The following NAV2 variants were observed in gnomAD, a reference collection of about 807,000 sequenced individuals.
The protein encoded by NAV2 is neuron navigator 2.
A neutral mutation model predicts 223.2 loss-of-function variants in NAV2; 54 were observed. The ratio of observed to expected loss-of-function variants is 0.24; its 90% CI spans 0.19 to 0.30. The LOEUF (loss-of-function observed/expected upper bound fraction) is 0.30, where lower values mean the gene tolerates loss of function less well. Among genes scored for constraint, NAV2 ranks in the 10% least tolerant of loss-of-function variants. The probability of loss-of-function intolerance (pLI) is 1.00; values close to 1 mark genes in which losing one functional copy is unlikely to be tolerated. For synonymous variants in NAV2, 1,279 were observed against 1,239.3 expected, an observed-to-expected ratio of 1.03 and a Z score of -0.67; for missense variants, 2,806 against 3,147.5, an observed-to-expected ratio of 0.89 and a Z score of 2.60.
At chr11:19,906,658 C>CA (rs1351164118) in intron 6 of NAV2, among the ~76,000 whole-genome samples, 1 of 152,150 alleles carries the variant, frequency 6.6e-6, no homozygotes, top group Non-Finnish European at 1.5e-5. Flanking sequence ...GGAGAGCAGC[C>CA]AAAGCATCCT....
At chr11:19,441,077 GC>G (rs1851382923) in intron 1 of NAV2, among the ~76,000 whole-genome samples, 1 of 152,182 alleles carries the variant, frequency 6.6e-6, no homozygotes, top group African/African-American at 2.4e-5. Flanking sequence ...AAAGGAGAAA[GC>G]CCAGGAAGCC....
intron 1 of NAV2, among the ~76,000 whole-genome samples, chr11:19,631,983 C>T (rs1023198971): frequency 2.0e-5 from 3 of 152,266 alleles, no homozygotes; most frequent in Non-Finnish European, 2.9e-5. Flanking sequence ...TGTTTGTTTG[C>T]ATTCCAGCTG....
At chr11:19,512,724 C>G (rs559121716) in intron 1 of NAV2, among the ~76,000 whole-genome samples, 37 of 152,306 alleles carry the variant, frequency 2.4e-4, no homozygotes, top group Non-Finnish European at 4.6e-4. Flanking sequence ...ACTTGGTCTC[C>G]TTCTCCTTGT....
chr11:19,417,877 A>C (rs1036763771), intron 1 of NAV2, among the ~76,000 whole-genome samples: 1 of 152,148 alleles, frequency 6.6e-6, no homozygotes, highest in South Asian at 2.1e-4. Flanking sequence ...GGAGCAAAAA[A>C]CCAAACACCA....
At chr11:19,654,241 AGGATACAAACAAAT>A (rs2048053047) in intron 1 of NAV2, among the ~76,000 whole-genome samples, 2 of 152,214 alleles carry the variant, frequency 1.3e-5, no homozygotes, top group African/African-American at 4.8e-5. Context: ...AAAATAAAAG[AGGATACAAACAAAT>A]GGAAGAACAT....
At chr11:20,034,174 C>T (rs1003589499) in intron 11 of NAV2, among the ~76,000 whole-genome samples, 1 of 152,104 alleles carries the variant, frequency 6.6e-6, no homozygotes, top group Admixed American at 6.5e-5. Context: ...TCTTCCTAGC[C>T]CTCTGACCTT....
chr11:19,877,724 G>A (rs1037254483), intron 4 of NAV2, among the ~76,000 whole-genome samples: 3 of 151,852 alleles, frequency 2.0e-5, no homozygotes, highest in Non-Finnish European at 4.4e-5. Context: ...CACCCACCTC[G>A]GCCTCCCAAA....
chr11:19,935,250 C>T (rs1319395636), intron 7 of NAV2, among the ~76,000 whole-genome samples: 1 of 152,184 alleles, frequency 6.6e-6, no homozygotes, highest in Non-Finnish European at 1.5e-5. Context: ...AATACTTGTA[C>T]ACACAAAAGA....
intron 1 of NAV2, among the ~76,000 whole-genome samples, chr11:19,739,599 T>C (rs574882934): frequency 6.6e-6 from 1 of 152,222 alleles, no homozygotes; most frequent in Admixed American, 6.5e-5. Flanking sequence ...GGCACATTGG[T>C]TTAGAAAATT....
chr11:19,946,590 G>A (rs2046957377), intron 9 of NAV2, 81 bp downstream of exon 9: 6 of 1,206,768 alleles, frequency 5.0e-6, no homozygotes, highest in Non-Finnish European at 7.1e-6. Flanking sequence ...GTAGCAAAGC[G>A]ATTTGGTTAT....
At chr11:19,457,890 T>C (rs372221618) in intron 1 of NAV2, among the ~76,000 whole-genome samples, 5 of 151,974 alleles carry the variant, frequency 3.3e-5, no homozygotes, top group African/African-American at 1.2e-4. Context: ...TACAAAGAAT[T>C]GAAGAGAATG....
chr11:20,072,559 A>G (rs916168488), intron 22 of NAV2, among the ~76,000 whole-genome samples: 7 of 152,176 alleles, frequency 4.6e-5, no homozygotes, highest in African/African-American at 1.4e-4. Flanking sequence ...GATTCTTACT[A>G]TCCATGAACA....
At chr11:19,581,022 G>C (rs969164300) in intron 1 of NAV2, among the ~76,000 whole-genome samples, 2 of 152,152 alleles carry the variant, frequency 1.3e-5, no homozygotes, top group African/African-American at 4.8e-5. Flanking sequence ...TTACTAACAA[G>C]GTGGATAATC....
At chr11:19,665,713 T>G (rs1430340312) in intron 1 of NAV2, among the ~76,000 whole-genome samples, 1 of 152,174 alleles carries the variant, frequency 6.6e-6, no homozygotes, top group Non-Finnish European at 1.5e-5. Flanking sequence ...TTTATAATCT[T>G]CTCTTGGAAG....
intron 1 of NAV2, among the ~76,000 whole-genome samples, chr11:19,508,218 C>A (rs1298700888): frequency 6.6e-6 from 1 of 152,058 alleles, no homozygotes; most frequent in African/African-American, 2.4e-5. Context: ...CCTACTGATT[C>A]CTCTGGAGTT....
At chr11:19,402,832 G>A (rs968834097) in intron 1 of NAV2, among the ~76,000 whole-genome samples, 1 of 152,210 alleles carries the variant, frequency 6.6e-6, no homozygotes, top group African/African-American at 2.4e-5. Context: ...ACAAATATTT[G>A]TGAACTGAAT....
chr11:19,790,327 A>G (rs569562637), intron 1 of NAV2, among the ~76,000 whole-genome samples: 5 of 152,306 alleles, frequency 3.3e-5, no homozygotes, highest in Middle Eastern at 3.4e-3. Context: ...ACTCGGGCCA[A>G]CTGACATCCA....
rs139338692 is a variant in NAV2 at position 19,485,527 on chromosome 11, A to G, written c.75+134500A>G. On this transcript the variant is annotated intron_variant, in intron 1 of 37. Coordinates refer to the NAV2 transcript ENST00000360655. ...TATCTTCACTGACCTTATTAATTCA[A>G]AAACTGCAATCACTCCTTTGGGGAG... is the stretch of plus-strand genomic sequence containing the variant. Among the ~76,000 whole-genome samples, 290 of 152,274 alleles carry G rather than the reference A, an allele frequency of 1.9e-3. 2 individuals carry two copies. The East Asian group carries it at 0.045, about 23-fold the overall frequency.
chr11:19,836,354 G>A (rs981687392), intron 2 of NAV2, among the ~76,000 whole-genome samples: 2 of 151,582 alleles, frequency 1.3e-5, no homozygotes, highest in African/African-American at 4.9e-5. Context: ...TCAGGAGATC[G>A]AGACCATCCT....
Sources: allele counts gnomAD v4.1 joint callset (sites outside exome capture counted in the v4.1 genomes callset), GRCh38; gene constraint gnomAD v4.1.1; transcripts MANE v1.5; gene names NCBI Gene and HGNC (gene_info 2026-07-23, HGNC 2026-07-21).